Variants in AR observed in about 807,000 individuals in gnomAD.
The protein encoded by AR is androgen receptor.
A neutral mutation model predicts 53.9 loss-of-function variants in AR; 8 were observed. That is an observed-to-expected ratio of 0.15 (90% confidence interval 0.09 to 0.27). The LOEUF is 0.27. Among genes scored for constraint, AR ranks in the 10% least tolerant of loss-of-function variants. The probability of loss-of-function intolerance (pLI) is 1.00; values close to 1 mark genes in which losing one functional copy is unlikely to be tolerated. For missense variants in AR, 639 were observed against 742.5 expected, an observed-to-expected ratio of 0.86 and a Z score of 1.62; for synonymous variants, 359 against 316.4, an observed-to-expected ratio of 1.13 and a Z score of -1.43.
chrX:67,701,849 A>T (rs982428418), intron 3 of AR, among the ~76,000 whole-genome samples: 3 of 112,250 alleles, frequency 2.7e-5, no homozygotes, highest in African/African-American at 9.7e-5. Context: ...TCCCAAATCT[A>T]TTCCAGTTTG....
At chrX:67,709,580 G>T (rs1250203739) in intron 3 of AR, among the ~76,000 whole-genome samples, 1 of 112,227 alleles carries the variant, frequency 8.9e-6, no homozygotes, top group East Asian at 2.8e-4. Flanking sequence ...CTGACCCTTT[G>T]CACTTCCCGG....
At chrX:67,709,441 G>T (rs749469689) in intron 3 of AR, among the ~76,000 whole-genome samples, 43 of 112,628 alleles carry the variant, frequency 3.8e-4, no homozygotes, top group Admixed American at 3.1e-3. Context: ...CTCCGAGCCA[G>T]GTGTGGGATA....
intron 4 of AR, among the ~76,000 whole-genome samples, chrX:67,712,902 G>A: frequency 8.9e-6 from 1 of 112,250 alleles, no homozygotes; most frequent in Non-Finnish European, 1.9e-5. Flanking sequence ...TACCTGAATT[G>A]ATTCTTATAG....
intron 1 of AR, among the ~76,000 whole-genome samples, chrX:67,638,512 G>A (rs1345584611): frequency 2.7e-5 from 3 of 111,272 alleles, no homozygotes; most frequent in Non-Finnish European, 5.7e-5. Flanking sequence ...TAATGATCAC[G>A]ATTCTAACTG....
intron 1 of AR, among the ~76,000 whole-genome samples, chrX:67,548,769 T>A (rs1270886675): frequency 1.2e-4 from 14 of 112,441 alleles, no homozygotes; most frequent in African/African-American, 4.2e-4. Flanking sequence ...CAGGTCTTAA[T>A]GAAAAAAGCT....
chrX:67,576,900 G>A (rs990310870), intron 1 of AR, among the ~76,000 whole-genome samples: 1 of 109,734 alleles, frequency 9.1e-6, no homozygotes, highest in African/African-American at 3.3e-5. Context: ...ATTTTCATGT[G>A]AGCCATATTG....
At chrX:67,564,726 T>G (rs1479897538) in intron 1 of AR, among the ~76,000 whole-genome samples, 5 of 111,815 alleles carry the variant, frequency 4.5e-5, no homozygotes, top group African/African-American at 1.6e-4. Context: ...CTTTTCAGTT[T>G]CAGTCACATG....
At chrX:67,640,557 G>C (rs749624785) in intron 1 of AR, among the ~76,000 whole-genome samples, 6 of 110,925 alleles carry the variant, frequency 5.4e-5, no homozygotes, top group Non-Finnish European at 9.4e-5. Context: ...GGGTATATGC[G>C]TTCAGGAATT....
At chrX:67,561,319 T>C (rs1234625934) in intron 1 of AR, among the ~76,000 whole-genome samples, 1 of 112,093 alleles carries the variant, frequency 8.9e-6, no homozygotes, top group African/African-American at 3.2e-5. Flanking sequence ...GTAAGTTCCA[T>C]TAACATAAAT....
chrX:67,548,878 A>G (rs59308292), intron 1 of AR, among the ~76,000 whole-genome samples: 7,237 of 111,469 alleles, frequency 0.065, 594 homozygotes, highest in African/African-American at 0.22. Context: ...TGCAGAAAGT[A>G]CAAGTTTATT....
At chrX:67,660,729 AG>A (rs1195890835) in intron 2 of AR, among the ~76,000 whole-genome samples, 2 of 111,599 alleles carry the variant, frequency 1.8e-5, no homozygotes, top group Admixed American at 1.9e-4. Context: ...ACTTTAAAGT[AG>A]TTTTTTCCAT....
chrX:67,583,095 C>T (rs1033199640), intron 1 of AR, among the ~76,000 whole-genome samples: 66 of 111,646 alleles, frequency 5.9e-4, no homozygotes, highest in African/African-American at 2.1e-3. Flanking sequence ...TGAGACTCCT[C>T]TCTGCTTATA....
intron 2 of AR, among the ~76,000 whole-genome samples, chrX:67,653,648 C>A (rs780470604): frequency 1.8e-5 from 2 of 111,408 alleles, no homozygotes; most frequent in African/African-American, 6.5e-5. Context: ...TCAGTTGGCT[C>A]TTTGTACCTT....
intron 1 of AR, among the ~76,000 whole-genome samples, chrX:67,594,422 T>C (rs1413598479): frequency 8.9e-6 from 1 of 112,461 alleles, no homozygotes; most frequent in Non-Finnish European, 1.9e-5. Context: ...AATATTTGTA[T>C]TTAATAAAAA....
rs750938631 is a variant in AR, at chrX:67,664,584, G to C, written c.1768+21177G>C. On this transcript the variant is annotated intron_variant, in intron 2 of 7. Coordinates refer to ENST00000374690, the MANE Select transcript of AR (RefSeq NM_000044.6). Reference sequence around the variant, plus strand: ...GTTCAGGGAACCACTTGAGGAGGCAGTCTGTCCGTTCTCAGATCTCCAGCT... The same window carrying C: ...GTTCAGGGAACCACTTGAGGAGGCACTCTGTCCGTTCTCAGATCTCCAGCT... Among the ~76,000 whole-genome samples, 55 of 112,398 alleles carry C rather than the reference G, an allele frequency of 4.9e-4. No individual in the cohort carries two copies. In the South Asian group the frequency reaches 0.019, roughly 38 times the overall value.
intron 1 of AR, among the ~76,000 whole-genome samples, chrX:67,594,075 G>A (rs1047466560): frequency 1.4e-4 from 16 of 112,018 alleles, no homozygotes; most frequent in African/African-American, 4.5e-4. Context: ...GCTTACTACA[G>A]CCTCGATCTC....
intron 1 of AR, among the ~76,000 whole-genome samples, chrX:67,629,042 T>C (rs1428876339): frequency 1.8e-5 from 2 of 111,839 alleles, no homozygotes; most frequent in Admixed American, 9.5e-5. Flanking sequence ...CGTTTGCCAG[T>C]ATTTTATTGA....
At chrX:67,700,159 A>G (rs1868683497) in intron 3 of AR, among the ~76,000 whole-genome samples, 2 of 111,521 alleles carry the variant, frequency 1.8e-5, no homozygotes, top group Admixed American at 9.5e-5. Flanking sequence ...GCTCTGACCC[A>G]AGACTAACAG....
Position 67,545,105 on chromosome X carries a change from C to A in AR, c.-42C>A, listed in dbSNP as rs1194023068. 1 of 1,170,064 alleles carries A rather than the reference C, an allele frequency of 8.5e-7. No homozygotes were observed. Among genetic ancestry groups the A allele is most frequent in the Non-Finnish European group, 1.1e-6 (1 of 876,974 alleles). On this transcript the variant is annotated 5_prime_UTR_variant, in exon 1 of 8. Coordinates refer to ENST00000374690, the MANE Select transcript of AR (RefSeq NM_000044.6). ...CTCTTCTGAGCAAGAGAAGGGGAGGCGGGGTAAGGGAAGTAGGTGGAAGAT... is the reference window on the plus strand; with the variant it reads ...CTCTTCTGAGCAAGAGAAGGGGAGGAGGGGTAAGGGAAGTAGGTGGAAGAT...
Sources: allele counts gnomAD v4.1 joint callset (sites outside exome capture counted in the v4.1 genomes callset), GRCh38; gene constraint gnomAD v4.1.1; transcripts MANE v1.5; gene names NCBI Gene and HGNC (gene_info 2026-07-23, HGNC 2026-07-21).